KIAA1217: variants seen among roughly 807,000 people sequenced by gnomAD.
KIAA1217 encodes the protein KIAA1217.
A neutral mutation model predicts 163.9 loss-of-function variants in KIAA1217; 88 were observed. That is an observed-to-expected ratio of 0.54 (90% CI 0.45 to 0.64). KIAA1217 has a LOEUF of 0.64. Among genes scored for constraint, KIAA1217 ranks in the 30% least tolerant of loss-of-function variants. The pLI is 0.00. For missense variants in KIAA1217, 2,372 were observed against 2,475.0 expected (o/e 0.96, Z 0.88); for synonymous variants, 903 against 923.1 (o/e 0.98, Z 0.39).
intron 2 of KIAA1217, among the ~76,000 whole-genome samples, chr10:24,286,552 G>A (rs2078563702): frequency 6.6e-6 from 1 of 151,916 alleles, no homozygotes; most frequent in Non-Finnish European, 1.5e-5. Flanking sequence ...TTTCAATTCA[G>A]GAAGGAAAAT....
intron 1 of KIAA1217, among the ~76,000 whole-genome samples, chr10:23,800,078 C>A (rs1413186835): frequency 7.2e-5 from 11 of 152,094 alleles, no homozygotes; most frequent in Non-Finnish European, 1.6e-4. Context: ...CATCTTCTCA[C>A]AGACCACCGA....
At chr10:23,704,202 A>ATATATATATATG (rs1564351822) in intron 1 of KIAA1217, among the ~76,000 whole-genome samples, 1 of 128,370 alleles carries the variant, frequency 7.8e-6, no homozygotes, top group Non-Finnish European at 1.6e-5. Context: ...ATATATATAT[A>ATATATATATATG]TATATATATA....
At position 24,546,334 on chromosome 10, in the gene KIAA1217, C is replaced by A. The variant is rs762440791; in HGVS notation, c.*10C>A. ...AAAAGAAACCTCTTAAAGGTCAAAT[C>A]CTATTAGGCACAAGTCGGAGTTACA... On this transcript the variant is annotated 3_prime_UTR_variant, in exon 21 of 21. Coordinates refer to ENST00000376454, the MANE Select transcript of KIAA1217 (RefSeq NM_019590.5). The A allele has an allele frequency of 6.4e-7, 1 of 1,571,314 alleles. No individual in the cohort carries two copies. Among genetic ancestry groups the A allele is most frequent in the Admixed American group, 2.0e-5 (1 of 51,132 alleles).
intron 2 of KIAA1217, among the ~76,000 whole-genome samples, chr10:24,283,909 ATT>A (rs56960891): frequency 6.7e-6 from 1 of 150,152 alleles, no homozygotes; most frequent in Non-Finnish European, 1.5e-5. Context: ...CTTTTCCTTT[ATT>A]TTTTTTTTAT....
chr10:24,366,830 A>C (rs1466043351), intron 2 of KIAA1217, among the ~76,000 whole-genome samples: 1 of 152,200 alleles, frequency 6.6e-6, no homozygotes, highest in African/African-American at 2.4e-5. Flanking sequence ...AACCTCAGGG[A>C]TGGTGGATTA....
chr10:23,853,965 G>A (rs1411073755), intron 1 of KIAA1217, among the ~76,000 whole-genome samples: 1 of 152,050 alleles, frequency 6.6e-6, no homozygotes, highest in African/African-American at 2.4e-5. Context: ...CAAAAAACCA[G>A]CTCCTGGATT....
chr10:23,759,265 C>T (rs1025120919), intron 1 of KIAA1217, among the ~76,000 whole-genome samples: 7 of 152,020 alleles, frequency 4.6e-5, no homozygotes, highest in African/African-American at 1.7e-4. Flanking sequence ...ACTTTGTATG[C>T]TGCTACTTGG....
At chr10:23,859,788 G>A (rs1839869598) in intron 1 of KIAA1217, among the ~76,000 whole-genome samples, 1 of 151,328 alleles carries the variant, frequency 6.6e-6, no homozygotes, top group African/African-American at 2.4e-5. Context: ...GAGTTTATTA[G>A]CCTCATTAAA....
At chr10:23,906,538 A>T (rs1842170943) in intron 1 of KIAA1217, among the ~76,000 whole-genome samples, 2 of 152,154 alleles carry the variant, frequency 1.3e-5, no homozygotes, top group African/African-American at 2.4e-5. Flanking sequence ...AGTTACCAAA[A>T]ATATTTCACA....
At chr10:24,067,592 G>A (rs1308571517) in intron 2 of KIAA1217, among the ~76,000 whole-genome samples, 1 of 152,194 alleles carries the variant, frequency 6.6e-6, no homozygotes, top group African/African-American at 2.4e-5. Flanking sequence ...CGGGGGTCAG[G>A]GACCCACTTG....
chr10:24,484,764 A>C (rs530080107), intron 6 of KIAA1217, among the ~76,000 whole-genome samples: 1 of 152,258 alleles, frequency 6.6e-6, no homozygotes, highest in African/African-American at 2.4e-5. Flanking sequence ...GAAAATAGCT[A>C]TTAGATCACT....
At chr10:24,142,354 TACATG>T (rs2064122652) in intron 2 of KIAA1217, among the ~76,000 whole-genome samples, 1 of 152,208 alleles carries the variant, frequency 6.6e-6, no homozygotes, top group South Asian at 2.1e-4. Flanking sequence ...TTTGTTAAAT[TACATG>T]ATTCATTGTT....
In KIAA1217 at chr10:24,501,446, T is replaced by C; in HGVS notation, c.1902T>C (p.Pro634=). The C allele has an allele frequency of 6.2e-7, 1 of 1,614,062 alleles. No individual in the cohort carries two copies. Among genetic ancestry groups the C allele is most frequent in the Middle Eastern group, 1.6e-4 (1 of 6,062 alleles). ...ALESTVPPSQ[P]PPVGTSAIHM... is the part of the protein sequence containing the mutation. ...AGTCCACGGTGCCTCCCAGCCAGCCTCCACCTGTGGGCACCTCAGCCATCC... is the reference window on the plus strand; with the variant it reads ...AGTCCACGGTGCCTCCCAGCCAGCCCCCACCTGTGGGCACCTCAGCCATCC... The change falls in exon 9 of 21, where the codon CCT becomes CCC. Residue 634 remains proline, a synonymous_variant. Coordinates refer to ENST00000376454, the MANE Select transcript of KIAA1217 (RefSeq NM_019590.5).
At chr10:23,883,591 G>A (rs531834927) in intron 1 of KIAA1217, among the ~76,000 whole-genome samples, 92 of 151,950 alleles carry the variant, frequency 6.1e-4, no homozygotes, top group Non-Finnish European at 1.2e-3. Flanking sequence ...CCACCAAATC[G>A]ATACCTTGAT....
At chr10:24,354,297 T>C (rs1324176839) in intron 2 of KIAA1217, among the ~76,000 whole-genome samples, 3 of 152,162 alleles carry the variant, frequency 2.0e-5, no homozygotes, top group Non-Finnish European at 2.9e-5. Context: ...GTGGCTAGTC[T>C]ATCTGGCCAC....
rs182146225 is a variant in KIAA1217 at position 24,013,639 on chromosome 10, T to C, written c.-171+6265T>C. On this transcript the variant is annotated intron_variant, in intron 2 of 18. Transcript: ENST00000376462. ...TATGTGCAGACATAGTCTCCAACTATCTTTAATGTGACTCAGAAATGTCCT... is the reference window on the plus strand; with the variant it reads ...TATGTGCAGACATAGTCTCCAACTACCTTTAATGTGACTCAGAAATGTCCT... 9.9e-5 allele frequency among the ~76,000 whole-genome samples: 15 copies of C among 152,254 alleles called. No individual in the cohort carries two copies. The East Asian group carries it at 2.7e-3, about 27-fold the overall frequency.
At chr10:24,047,178 T>G (rs940633137) in intron 2 of KIAA1217, among the ~76,000 whole-genome samples, 1 of 152,220 alleles carries the variant, frequency 6.6e-6, no homozygotes, top group Non-Finnish European at 1.5e-5. Context: ...TGTCCTAATA[T>G]GTATACTTAT....
At chr10:23,741,995 A>G (rs930800760) in intron 1 of KIAA1217, among the ~76,000 whole-genome samples, 6 of 152,164 alleles carry the variant, frequency 3.9e-5, no homozygotes, top group Non-Finnish European at 5.9e-5. Flanking sequence ...CTTTAAAACC[A>G]TCACTCAATG....
chr10:23,963,173 T>C (rs1215874536), intron 1 of KIAA1217, among the ~76,000 whole-genome samples: 1 of 152,190 alleles, frequency 6.6e-6, no homozygotes, highest in African/African-American at 2.4e-5. Context: ...CGTGCAGGTT[T>C]GTTATATGGG....
Sources: gnomAD v4.1 joint callset for allele counts (sites outside exome capture counted in the v4.1 genomes callset) on GRCh38, gnomAD v4.1.1 for gene constraint, MANE v1.5 for transcripts, NCBI Gene and HGNC (gene_info 2026-07-23, HGNC 2026-07-21) for gene names.